The following KCNH8 variants were observed in gnomAD, a reference collection of about 807,000 sequenced individuals.
The protein encoded by KCNH8 is voltage-gated delayed rectifier potassium channel KCNH8.
Under a neutral mutation model 103.6 loss-of-function variants are expected in KCNH8, and 70 were observed. That is an observed-to-expected ratio of 0.68 (90% CI 0.56 to 0.82). KCNH8 has a LOEUF of 0.82. Among genes scored for constraint, KCNH8 ranks in the 40% least tolerant of loss-of-function variants. KCNH8 has a pLI of 0.00. For synonymous variants in KCNH8, 498 were observed against 489.4 expected (o/e 1.02, Z -0.23); for missense variants, 1,217 against 1,329.9 (o/e 0.92, Z 1.32).
Position 19,227,514 on chromosome 3 carries a change from G to A in KCNH8, c.77-26140G>A, listed in dbSNP as rs560887882. Reference sequence around the variant, plus strand: ...TTGAATATCATTGCTTTATTTCTGTGAAAGTGTTCTCAGTCCAGAGCTTGA... The same window carrying A: ...TTGAATATCATTGCTTTATTTCTGTAAAAGTGTTCTCAGTCCAGAGCTTGA... On this transcript the variant is annotated intron_variant, in intron 1 of 15. Coordinates refer to ENST00000328405, the MANE Select transcript of KCNH8 (RefSeq NM_144633.3). Among the ~76,000 whole-genome samples the A allele has an allele frequency of 9.5e-4, 144 of 152,278 alleles. 1 individual carries two copies. The highest frequency in any genetic ancestry group is 2.8e-3 in the African/African-American group (117 of 41,570).
intron 1 of KCNH8, among the ~76,000 whole-genome samples, chr3:19,151,200 C>G (rs1248873881): frequency 6.6e-6 from 1 of 152,048 alleles, no homozygotes; most frequent in African/African-American, 2.4e-5. Flanking sequence ...ATTACTATCT[C>G]TGAAACTATT....
intron 5 of KCNH8, among the ~76,000 whole-genome samples, chr3:19,371,095 C>T (rs1201352049): frequency 6.6e-6 from 1 of 151,788 alleles, no homozygotes; most frequent in Non-Finnish European, 1.5e-5. Flanking sequence ...TTTATAGCAG[C>T]ATGATTTATA....
chr3:19,217,270 A>C (rs77576283), intron 1 of KCNH8, among the ~76,000 whole-genome samples: 4,298 of 152,244 alleles, frequency 0.028, 202 homozygotes, highest in African/African-American at 0.096. Context: ...ATAGTTTATA[A>C]AAATCTATTA....
At chr3:19,258,947 C>CTCTCTCTCTCTATATATATATATA in intron 2 of KCNH8, among the ~76,000 whole-genome samples, 1 of 24,802 alleles carries the variant, frequency 4.0e-5, no homozygotes, top group Non-Finnish European at 8.0e-5. Context: ...CTCTCTCTCT[C>CTCTCTCTCTCTATATATATATATA]TATATATATA....
chr3:19,290,633 G>A (rs1477406006), intron 3 of KCNH8, among the ~76,000 whole-genome samples: 2 of 152,196 alleles, frequency 1.3e-5, no homozygotes, highest in Non-Finnish European at 2.9e-5. Flanking sequence ...TTGATGTGCT[G>A]CTGGATTCGG....
chr3:19,353,821 C>T (rs1001906299), intron 5 of KCNH8, among the ~76,000 whole-genome samples: 9 of 152,118 alleles, frequency 5.9e-5, no homozygotes, highest in Non-Finnish European at 2.9e-5. Context: ...TGAAAACTAG[C>T]ACAAGACAAG....
rs966390325 is a variant in KCNH8 at position 19,484,018 on chromosome 3, TAA to T, written c.2041-26344_2041-26343del. Among the ~76,000 whole-genome samples the T allele has an allele frequency of 3.3e-5, 5 of 152,182 alleles. 1 individual carries two copies. The South Asian group carries it at 6.2e-4, about 19-fold the overall frequency. On this transcript the variant is annotated intron_variant, in intron 11 of 15. Coordinates refer to ENST00000328405, the MANE Select transcript of KCNH8 (RefSeq NM_144633.3). ...TTGGTCATATAGTCTTTTTTTTAATTAAGAGAGTCACATTTCCTTTCTAACTT... is the reference window on the plus strand; with the variant it reads ...TTGGTCATATAGTCTTTTTTTTAATTGAGAGTCACATTTCCTTTCTAACTT...
chr3:19,501,925 G>A (rs1163105654), intron 11 of KCNH8, among the ~76,000 whole-genome samples: 1 of 152,106 alleles, frequency 6.6e-6, no homozygotes, highest in Non-Finnish European at 1.5e-5. Flanking sequence ...GTTCTGGCCA[G>A]GGCAATTAGG....
At chr3:19,518,127 C>A (rs1184590500) in intron 15 of KCNH8, 53 bp downstream of exon 15, 2 of 1,400,404 alleles carry the variant, frequency 1.4e-6, no homozygotes, top group African/African-American at 2.8e-5. Flanking sequence ...GATATAAATC[C>A]TAGTTACTCG....
At chr3:19,511,110 C>T (rs1432830384) in intron 12 of KCNH8, among the ~76,000 whole-genome samples, 1 of 152,110 alleles carries the variant, frequency 6.6e-6, no homozygotes, top group Non-Finnish European at 1.5e-5. Flanking sequence ...CTGTCACCTA[C>T]ATTAGGTATT....
At chr3:19,307,509 T>G (rs1218206092) in intron 3 of KCNH8, among the ~76,000 whole-genome samples, 1 of 152,006 alleles carries the variant, frequency 6.6e-6, no homozygotes, top group East Asian at 1.9e-4. Context: ...CAAAAAGAAC[T>G]ACCTTATAAT....
At chr3:19,394,856 G>C (rs993035863) in intron 6 of KCNH8, among the ~76,000 whole-genome samples, 1 of 151,930 alleles carries the variant, frequency 6.6e-6, no homozygotes, top group African/African-American at 2.4e-5. Context: ...GTGAAAAAAA[G>C]ATAACCCCTA....
At chr3:19,369,950 T>C (rs983076460) in intron 5 of KCNH8, among the ~76,000 whole-genome samples, 1 of 152,068 alleles carries the variant, frequency 6.6e-6, no homozygotes, top group Non-Finnish European at 1.5e-5. Flanking sequence ...ATTTATTTAC[T>C]ATGCTATAAA....
chr3:19,301,361 AAAAT>A (rs1350191797), intron 3 of KCNH8, among the ~76,000 whole-genome samples: 3 of 148,682 alleles, frequency 2.0e-5, no homozygotes, highest in Non-Finnish European at 4.5e-5. Flanking sequence ...ATATATTTAT[AAAAT>A]AAATATGTAA....
At chr3:19,305,647 TATTAG>T (rs145135382) in intron 3 of KCNH8, among the ~76,000 whole-genome samples, 16,073 of 152,044 alleles carry the variant, frequency 0.11, 962 homozygotes, top group East Asian at 0.17. Flanking sequence ...ATGAAAAACA[TATTAG>T]AGTAGTGTTA....
At chr3:19,429,743 A>G (rs1223921617) in intron 7 of KCNH8, among the ~76,000 whole-genome samples, 1 of 152,138 alleles carries the variant, frequency 6.6e-6, no homozygotes, top group Non-Finnish European at 1.5e-5. Flanking sequence ...CTGCCCTCTG[A>G]AAGGCCCCAG....
At chr3:19,235,679 A>C (rs2064055991) in intron 1 of KCNH8, among the ~76,000 whole-genome samples, 1 of 152,178 alleles carries the variant, frequency 6.6e-6, no homozygotes, top group African/African-American at 2.4e-5. Context: ...TTAAATACTA[A>C]CAAATTAGTG....
At chr3:19,188,807 G>T (rs917856160) in intron 1 of KCNH8, among the ~76,000 whole-genome samples, 4 of 151,896 alleles carry the variant, frequency 2.6e-5, no homozygotes, top group Non-Finnish European at 2.9e-5. Flanking sequence ...TTGTTTGTTT[G>T]TTTGATTGAT....
chr3:19,445,054 A>G (rs965495282), intron 8 of KCNH8, among the ~76,000 whole-genome samples: 1 of 151,968 alleles, frequency 6.6e-6, no homozygotes, highest in Non-Finnish European at 1.5e-5. Flanking sequence ...CATTTTTGTA[A>G]GAATCTCAAA....
Sources: gnomAD v4.1 joint callset for allele counts (sites outside exome capture counted in the v4.1 genomes callset) on GRCh38, gnomAD v4.1.1 for gene constraint, MANE v1.5 for transcripts, NCBI Gene and HGNC (gene_info 2026-07-23, HGNC 2026-07-21) for gene names.